The following THOC5 variants were observed in gnomAD, a reference collection of about 807,000 sequenced individuals.
THOC5 encodes the protein THO complex subunit 5.
A neutral mutation model predicts 92.9 loss-of-function variants in THOC5; 43 were observed. The ratio of observed to expected loss-of-function variants is 0.46; its 90% CI spans 0.36 to 0.60. The LOEUF is 0.60. Ranked by LOEUF, THOC5 falls within the 20% of genes least tolerant of loss-of-function variation. The probability of loss-of-function intolerance (pLI) is 0.00; values close to 1 mark genes in which losing one functional copy is unlikely to be tolerated. For synonymous variants in THOC5, 296 were observed against 320.1 expected, an observed-to-expected ratio of 0.92 and a Z score of 0.80; for missense variants, 659 against 849.4, an observed-to-expected ratio of 0.78 and a Z score of 2.79.
chr22:29,517,172 C>T (rs2063349541), intron 16 of THOC5, 56 bp from the exon 17 acceptor site: 1 of 1,610,158 alleles, frequency 6.2e-7, no homozygotes, highest in Non-Finnish European at 8.5e-7. Context: ...GTTAAACCCC[C>T]TGCTCTTCCA....
intron 19 of THOC5, among the ~76,000 whole-genome samples, chr22:29,510,663 T>C (rs886360414): frequency 7.9e-5 from 12 of 152,088 alleles, no homozygotes; most frequent in African/African-American, 2.9e-4. Context: ...TAAGCAGAAC[T>C]GACTCTTCTA....
At chr22:29,531,207 GGGA>G (rs1293575931) in intron 8 of THOC5, 74 of 1,056,560 alleles carry the variant, frequency 7.0e-5, no homozygotes, top group Non-Finnish European at 8.3e-5. Flanking sequence ...TGCCCAAGGT[GGGA>G]GGAGAAGCAA....
rs1161988252 is a variant in THOC5 at position 29,516,470 on chromosome 22, G to T, written c.1681+559C>A. On this transcript the variant is annotated intron_variant, in intron 17 of 19. Transcript: ENST00000490103. ...TGTCAGATCCCACGGGCAGTGCCAG[G>T]CTTGCTGCGGCTTGGGTGGGACAAC... Among the ~76,000 whole-genome samples, 5 of 152,184 alleles carry T rather than the reference G, an allele frequency of 3.3e-5. No homozygotes were observed. In the East Asian group the frequency reaches 9.6e-4, roughly 29 times the overall value.
At chr22:29,513,537 A>C (rs1203080303) in intron 17 of THOC5, among the ~76,000 whole-genome samples, 3 of 151,938 alleles carry the variant, frequency 2.0e-5, no homozygotes, top group Admixed American at 6.6e-5. Context: ...AAAATACAAA[A>C]ATTAGCCAGG....
intron 1 of THOC5, among the ~76,000 whole-genome samples, chr22:29,549,705 G>A (rs781690014): frequency 6.6e-6 from 1 of 151,982 alleles, no homozygotes; most frequent in African/African-American, 2.4e-5. Context: ...TTGATGGTTT[G>A]TCCCCAACCT....
chr22:29,511,088 C>A lies in THOC5; in HGVS notation c.1988+18G>T, dbSNP rs143975652. On this transcript the variant is annotated intron_variant, in intron 19 of 19. Transcript: ENST00000490103. Reference sequence around the variant, plus strand: ...ACATCACCATGAGAAGTCACCAGAGCCCCAACCCTCTCCTCACCTGAAGAG... The same window carrying A: ...ACATCACCATGAGAAGTCACCAGAGACCCAACCCTCTCCTCACCTGAAGAG... 1.8e-4 allele frequency: 283 copies of A among 1,609,148 alleles called. 6 individuals are homozygous for A. In the East Asian group the frequency reaches 6.3e-3, roughly 36 times the overall value.
chr22:29,522,160 C>T (rs1458934790), intron 12 of THOC5, among the ~76,000 whole-genome samples: 1 of 150,002 alleles, frequency 6.7e-6, no homozygotes, highest in African/African-American at 2.5e-5. Flanking sequence ...ACCATCCTGG[C>T]TAACACGGTG....
At chr22:29,536,094 T>G (rs2063755088) in intron 7 of THOC5, 1 of 152,408 alleles carries the variant, frequency 6.6e-6, no homozygotes, top group Non-Finnish European at 1.5e-5. Flanking sequence ...ATTAGCCATC[T>G]TGCTTCATAA....
Position 29,508,306 on chromosome 22 carries a change from G to T in THOC5, c.*151C>A. On this transcript the variant is annotated 3_prime_UTR_variant, in exon 20 of 20. Coordinates refer to ENST00000490103, the MANE Select transcript of THOC5 (RefSeq NM_003678.5). The stretch of plus-strand genomic sequence containing the variant: ...CCAGACTGCAAAGCCACCTTGCCAG[G>T]AACCACAGACAAAGGCCACTGGTCA... The T allele has an allele frequency of 1.3e-6, 1 of 764,234 alleles. No homozygotes were observed. The highest frequency in any genetic ancestry group is 2.1e-6 in the Non-Finnish European group (1 of 472,906). The allele number at this position is 764,234 out of a possible 1,614,324, so 47.3% of individuals were successfully genotyped here.
intron 2 of THOC5, chr22:29,545,032 G>T: frequency 2.4e-6 from 1 of 424,922 alleles, no homozygotes. Context: ...CCTGAAACTG[G>T]GAACAAAAAG....
intron 11 of THOC5, among the ~76,000 whole-genome samples, chr22:29,527,350 T>G (rs1445673784): frequency 6.6e-6 from 1 of 152,126 alleles, no homozygotes; most frequent in East Asian, 1.9e-4. Context: ...GCCCAGGAGG[T>G]TGAAGTTGCA....
At chr22:29,543,190 CAAAAATTAGCCAG>C in intron 4 of THOC5, among the ~76,000 whole-genome samples, 1 of 151,570 alleles carries the variant, frequency 6.6e-6, no homozygotes, top group African/African-American at 2.4e-5. Context: ...CTAAAAAATA[CAAAAATTAGCCAG>C]GCATGGTGGT....
intron 15 of THOC5, among the ~76,000 whole-genome samples, chr22:29,517,701 C>T (rs1256884121): frequency 6.6e-6 from 1 of 152,218 alleles, no homozygotes; most frequent in Non-Finnish European, 1.5e-5. Flanking sequence ...GATCAAATAG[C>T]ATAGAGGCCT....
At chr22:29,538,465 T>C (rs1262157695) in intron 6 of THOC5, among the ~76,000 whole-genome samples, 4 of 152,006 alleles carry the variant, frequency 2.6e-5, no homozygotes, top group Non-Finnish European at 5.9e-5. Context: ...AATACAAAAT[T>C]AGATTTATGG....
At chr22:29,550,800 T>C (rs2064126878) in intron 1 of THOC5, 1 of 152,246 alleles carries the variant, frequency 6.6e-6, no homozygotes, top group African/African-American at 2.4e-5. Flanking sequence ...CCTGGGACTG[T>C]GGCTTCAGAT....
At chr22:29,537,468 C>T (rs1324425584) in intron 6 of THOC5, among the ~76,000 whole-genome samples, 1 of 152,166 alleles carries the variant, frequency 6.6e-6, no homozygotes, top group Non-Finnish European at 1.5e-5. Context: ...TGGTGAAACC[C>T]GTCTCTACTA....
At chr22:29,553,439 C>G (rs1174294595) in intron 1 of THOC5, 2 of 152,734 alleles carry the variant, frequency 1.3e-5, no homozygotes, top group African/African-American at 4.8e-5. Flanking sequence ...CCCCATCAGG[C>G]TACATTACCA....
At chr22:29,536,862 T>C in intron 6 of THOC5, 124 bp from the exon 7 acceptor site, 1 of 671,424 alleles carries the variant, frequency 1.5e-6, no homozygotes, top group South Asian at 1.7e-5. Flanking sequence ...TATCCAGCAC[T>C]CAATGTGTGC....
chr22:29,511,258 C>T lies in THOC5; in HGVS notation c.1836G>A (p.Leu612=). 3 of 1,614,082 alleles carry T rather than the reference C, an allele frequency of 1.9e-6. No individual in the cohort carries two copies. The highest frequency in any genetic ancestry group is 2.5e-6 in the Non-Finnish European group (3 of 1,180,042). The change falls in exon 19 of 20, where the codon CTG becomes CTA. Residue 612 remains leucine, a synonymous_variant. Transcript: ENST00000490103. Reference sequence around the variant, plus strand: ...GCTGGTGGCTGGGCCAAGGGCCACACAGCTCCTTGTAGCACACATTGACTT... The same window carrying T: ...GCTGGTGGCTGGGCCAAGGGCCACATAGCTCCTTGTAGCACACATTGACTT... ...EGEVNVCYKE[L]CGPWPSHQLL...
Sources: gnomAD v4.1 joint callset for allele counts (sites outside exome capture counted in the v4.1 genomes callset) on GRCh38, gnomAD v4.1.1 for gene constraint, MANE v1.5 for transcripts, NCBI Gene and HGNC (gene_info 2026-07-23, HGNC 2026-07-21) for gene names.